Variants in ITPRIP observed in about 807,000 individuals in gnomAD.
ITPRIP encodes the protein inositol 1,4,5-trisphosphate receptor interacting protein, also known as inositol 1,4,5-trisphosphate receptor-interacting protein.
A neutral mutation model predicts 35.8 loss-of-function variants in ITPRIP; 32 were observed. The ratio of observed to expected loss-of-function variants is 0.89; its 90% CI spans 0.68 to 1.20. ITPRIP has a LOEUF of 1.20. Among genes scored for constraint, ITPRIP ranks in the 50% most tolerant of loss-of-function variants. ITPRIP has a pLI of 0.00. For synonymous variants in ITPRIP, 358 were observed against 324.0 expected (o/e 1.11, Z -1.13); for missense variants, 653 against 735.6 (o/e 0.89, Z 1.30).
chr10:104,332,867 G>C (rs2014174842), intron 1 of ITPRIP, among the ~76,000 whole-genome samples: 1 of 152,212 alleles, frequency 6.6e-6, no homozygotes, highest in South Asian at 2.1e-4. Context: ...CCTATCTCCA[G>C]TTGGTCCTGC....
intron 1 of ITPRIP, among the ~76,000 whole-genome samples, chr10:104,335,450 G>T (rs1589897759): frequency 6.6e-6 from 1 of 152,096 alleles, no homozygotes; most frequent in African/African-American, 2.4e-5. Context: ...AGCCACCGCC[G>T]TTTCCCTCTG....
At chr10:104,325,997 C>T (rs2013996832) in intron 1 of ITPRIP, among the ~76,000 whole-genome samples, 1 of 152,190 alleles carries the variant, frequency 6.6e-6, no homozygotes, top group African/African-American at 2.4e-5. Flanking sequence ...GCCCTACCAC[C>T]GAGCCGGTGG....
intron 1 of ITPRIP, among the ~76,000 whole-genome samples, chr10:104,334,907 T>C (rs1027996611): frequency 6.6e-6 from 1 of 152,238 alleles, no homozygotes; most frequent in Admixed American, 6.5e-5. Context: ...TTGCGAAGTC[T>C]CCTTGCAAAT....
At chr10:104,335,729 G>A (rs1475961541) in intron 1 of ITPRIP, among the ~76,000 whole-genome samples, 2 of 152,134 alleles carry the variant, frequency 1.3e-5, no homozygotes, top group Non-Finnish European at 2.9e-5. Context: ...TTCCCACGAG[G>A]GTTCCCAATT....
intron 1 of ITPRIP, among the ~76,000 whole-genome samples, chr10:104,330,832 A>G (rs545005848): frequency 8.5e-5 from 13 of 152,238 alleles, no homozygotes; most frequent in Non-Finnish European, 1.5e-4. Flanking sequence ...ACTCACCAAC[A>G]TCATAGAGCC....
At chr10:104,318,707 G>T (rs1236666466) in intron 1 of ITPRIP, among the ~76,000 whole-genome samples, 20 of 152,338 alleles carry the variant, frequency 1.3e-4, no homozygotes, top group Admixed American at 9.1e-4. Flanking sequence ...GGATAGACTC[G>T]AGAGGAGACA....
intron 1 of ITPRIP, among the ~76,000 whole-genome samples, chr10:104,319,233 T>C (rs2013778242): frequency 6.6e-6 from 1 of 152,166 alleles, no homozygotes; most frequent in Non-Finnish European, 1.5e-5. Context: ...TTCACAGGGA[T>C]GTTGGGACGG....
At position 104,326,763 on chromosome 10, in the gene ITPRIP, G is replaced by C. The variant is rs2014024915; in HGVS notation, c.-13-10699C>G. 1 of 152,212 alleles carries C rather than the reference G, an allele frequency of 6.6e-6. No individual in the cohort carries two copies. Among genetic ancestry groups the C allele is most frequent in the Non-Finnish European group, 1.5e-5 (1 of 68,060 alleles). 9.4% of individuals were successfully genotyped at this position (152,212 alleles called of 1,614,324 possible). A position where few individuals can be genotyped will look rare whatever the true frequency, so the allele number is the denominator to read the frequency against. The stretch of plus-strand genomic sequence containing the variant: ...AGATGAGATCATCCTGGATTACCCG[G>C]GTGGGCCTTAAATCCAATGACAAGT... On this transcript the variant is annotated intron_variant, in intron 1 of 1. Coordinates refer to ENST00000337478, the MANE Select transcript of ITPRIP (RefSeq NM_001272013.2). The surrounding 1 kb of genome is among the most constrained non-coding windows in gnomAD (Gnocchi z 4.8).
chr10:104,321,175 C>T lies in ITPRIP; in HGVS notation c.-13-5111G>A, dbSNP rs115376927. Reference sequence around the variant, plus strand: ...CTGCCTTGGCCCAAAGTTCTCACCTCTACCAGGCTCTCCCGCACCTGTGGT... The same window carrying T: ...CTGCCTTGGCCCAAAGTTCTCACCTTTACCAGGCTCTCCCGCACCTGTGGT... On this transcript the variant is annotated intron_variant, in intron 1 of 1. Transcript: ENST00000337478. Among the ~76,000 whole-genome samples the T allele has an allele frequency of 5.7e-3, 874 of 152,322 alleles. 7 individuals carry two copies. Among genetic ancestry groups the T allele is most frequent in the African/African-American group, 0.02 (828 of 41,574 alleles).
rs276221 is a variant in ITPRIP, at chr10:104,326,476, T to C, written c.-13-10412A>G. The C allele has an allele frequency of 0.1, 15,943 of 152,270 alleles. 1,793 individuals are homozygous for C. The highest frequency in any genetic ancestry group is 0.28 in the African/African-American group (11,817 of 41,492). The allele number at this position is 152,270 out of a possible 1,614,324, so 9.4% of individuals were successfully genotyped here. A position where few individuals can be genotyped will look rare whatever the true frequency, so the allele number is the denominator to read the frequency against. ...CAGACAGACAAACGCCTGATCTCTA[T>C]GGCTGGGTTGTGGAGAGGACAGTGA... On this transcript the variant is annotated intron_variant, in intron 1 of 1. Coordinates refer to ENST00000337478, the MANE Select transcript of ITPRIP (RefSeq NM_001272013.2). The surrounding 1 kb of genome is among the most constrained non-coding windows in gnomAD (Gnocchi z 4.8).
At chr10:104,317,984 G>A (rs753717981) in intron 1 of ITPRIP, among the ~76,000 whole-genome samples, 4 of 152,198 alleles carry the variant, frequency 2.6e-5, no homozygotes, top group Admixed American at 6.5e-5. Flanking sequence ...GAGAAGGTCC[G>A]TCCTCCACCC....
Position 104,314,356 on chromosome 10 carries a change from C to T in ITPRIP, c.*52G>A, listed in dbSNP as rs1038527838. 3.1e-5 allele frequency: 49 copies of T among 1,557,164 alleles called. No homozygotes were observed. The highest frequency in any genetic ancestry group is 3.7e-5 in the South Asian group (3 of 81,282). The stretch of plus-strand genomic sequence containing the variant: ...TGGCAGATGCCACCAGGGGTGTGAA[C>T]GTGAGGGATGCCCTCATCTTAGCTC... On this transcript the variant is annotated 3_prime_UTR_variant, in exon 2 of 2. Transcript: ENST00000337478.
In ITPRIP at chr10:104,313,293, C is replaced by A. The variant is rs1387384621; in HGVS notation, c.*1115G>T. ...ACTGGGCCAGACTGCAAGCCAGACA[C>A]CACCACCCCGGGTAGCATTTTTGAG... On this transcript the variant is annotated 3_prime_UTR_variant, in exon 2 of 2. Transcript: ENST00000337478. 7.1e-6 allele frequency: 7 copies of A among 985,974 alleles called. No homozygotes were observed. Among genetic ancestry groups the A allele is most frequent in the East Asian group, 1.1e-4 (1 of 8,832 alleles). 61.1% of individuals were successfully genotyped at this position (985,974 alleles called of 1,614,324 possible).
intron 1 of ITPRIP, among the ~76,000 whole-genome samples, chr10:104,316,424 G>A (rs2013693089): frequency 6.6e-6 from 1 of 152,124 alleles, no homozygotes; most frequent in Non-Finnish European, 1.5e-5. Context: ...ACATTCTGCC[G>A]CCCAGCTACA....
At position 104,315,979 on chromosome 10, in the gene ITPRIP, G is replaced by T. The variant is rs1466384503; in HGVS notation, c.73C>A (p.Arg25=). The T allele has an allele frequency of 1.2e-6, 2 of 1,612,950 alleles. No individual in the cohort carries two copies. Among genetic ancestry groups the T allele is most frequent in the South Asian group, 2.2e-5 (2 of 91,046 alleles). The change falls in exon 2 of 2, where the codon CGG becomes AGG. Residue 25 remains arginine, a synonymous_variant. Coordinates refer to ENST00000337478, the MANE Select transcript of ITPRIP (RefSeq NM_001272013.2). The surrounding 1 kb of genome is among the most constrained non-coding windows in gnomAD (Gnocchi z 5.7). ...AIINHPLLFP[R]ENATVPENEE... ...TTCTCGGGGACTGTGGCGTTCTCCC[G>T]CGGGAACAGCAGCGGGTGGTTGATG...
At chr10:104,325,153 G>T (rs2013962723) in intron 1 of ITPRIP, among the ~76,000 whole-genome samples, 1 of 152,212 alleles carries the variant, frequency 6.6e-6, no homozygotes, top group Non-Finnish European at 1.5e-5. Context: ...CCGGGAGGCG[G>T]AGGTCACAGT....
At chr10:104,324,598 C>A (rs34564259) in intron 1 of ITPRIP, among the ~76,000 whole-genome samples, 43,562 of 151,992 alleles carry the variant, frequency 0.29, 6,476 homozygotes, top group African/African-American at 0.35. Context: ...CCACCTCCCC[C>A]AGACCTGCCA....
In ITPRIP at chr10:104,326,463, C is replaced by T. The variant is rs276222; in HGVS notation, c.-13-10399G>A. ...CAGCATCTTGGGACAGACAGACAAACGCCTGATCTCTATGGCTGGGTTGTG... is the reference window on the plus strand; with the variant it reads ...CAGCATCTTGGGACAGACAGACAAATGCCTGATCTCTATGGCTGGGTTGTG... On this transcript the variant is annotated intron_variant, in intron 1 of 1. Coordinates refer to ENST00000337478, the MANE Select transcript of ITPRIP (RefSeq NM_001272013.2). This position sits in a 1 kb window ranked among gnomAD's most constrained non-coding sequence, Gnocchi z 4.8. 15,941 of 152,288 alleles carry T rather than the reference C, an allele frequency of 0.1. 1,796 individuals carry two copies. Among genetic ancestry groups the T allele is most frequent in the African/African-American group, 0.28 (11,825 of 41,500 alleles). The allele number at this position is 152,288 out of a possible 1,614,324, so 9.4% of individuals were successfully genotyped here.
At position 104,315,107 on chromosome 10, in the gene ITPRIP, G is replaced by C; in HGVS notation, c.945C>G (p.Ile315Met). 6.2e-7 allele frequency: 1 copy of C among 1,614,162 alleles called. No homozygotes were observed. The highest frequency in any genetic ancestry group is 1.1e-5 in the South Asian group (1 of 91,078). ...QTALTRAWKG[I>M]AHKYEFDLAF... ...CCAGGTCGAACTCGTACTTGTGGGCGATGCCCTTCCAGGCTCTGGTGAGGG... is the reference window on the plus strand; with the variant it reads ...CCAGGTCGAACTCGTACTTGTGGGCCATGCCCTTCCAGGCTCTGGTGAGGG... Residue 315 changes from isoleucine (I) to methionine (M), a missense_variant, in exon 2 of 2, where the codon ATC (isoleucine) becomes ATG (methionine). Physicochemically the swap from Ile to Met is conservative, Grantham distance 10 (BLOSUM62 1). Transcript: ENST00000337478. This position sits in a 1 kb window ranked among gnomAD's most constrained non-coding sequence, Gnocchi z 5.7.
Sources: allele counts gnomAD v4.1 joint callset (sites outside exome capture counted in the v4.1 genomes callset), GRCh38; gene constraint gnomAD v4.1.1; non-coding constraint Gnocchi (gnomAD v3.1); transcripts MANE v1.5; gene names NCBI Gene and HGNC (gene_info 2026-07-23, HGNC 2026-07-21).